GPC5: variants seen among roughly 807,000 people sequenced by gnomAD.
GPC5 encodes glypican-5.
A neutral mutation model predicts 53.9 loss-of-function variants in GPC5; 47 were observed. The ratio of observed to expected loss-of-function variants is 0.87; its 90% CI spans 0.69 to 1.11. The LOEUF is 1.11. Among genes scored for constraint, GPC5 ranks in the 50% most tolerant of loss-of-function variants. The pLI is 0.00. For synonymous variants in GPC5, 286 were observed against 263.3 expected (o/e 1.09, Z -0.84); for missense variants, 748 against 713.1 (o/e 1.05, Z -0.56).
intron 2 of GPC5, among the ~76,000 whole-genome samples, chr13:91,647,623 C>G (rs1364626734): frequency 6.6e-6 from 1 of 152,200 alleles, no homozygotes; most frequent in East Asian, 1.9e-4. Flanking sequence ...ACTTCCATGA[C>G]TACTGACTTT....
intron 7 of GPC5, among the ~76,000 whole-genome samples, chr13:92,645,781 ATTT>A (rs1297540291): frequency 1.6e-4 from 24 of 152,188 alleles, no homozygotes; most frequent in Middle Eastern, 3.4e-3. Context: ...ATGATTAATA[ATTT>A]TGATCATTTT....
chr13:92,402,746 A>G (rs1456433284), intron 7 of GPC5, among the ~76,000 whole-genome samples: 1 of 152,220 alleles, frequency 6.6e-6, no homozygotes, highest in African/African-American at 2.4e-5. Context: ...TCTAAAAGTC[A>G]GTTAGAAGCT....
intron 7 of GPC5, among the ~76,000 whole-genome samples, chr13:92,405,011 A>G (rs1419283044): frequency 6.6e-6 from 1 of 150,468 alleles, no homozygotes; most frequent in African/African-American, 2.5e-5. Flanking sequence ...CCTATGGCAT[A>G]TTTCTGGTTA....
chr13:91,614,550 T>C (rs2033644441), intron 2 of GPC5, among the ~76,000 whole-genome samples: 2 of 152,114 alleles, frequency 1.3e-5, no homozygotes, highest in South Asian at 4.2e-4. Flanking sequence ...CAGGCTGGTC[T>C]TGAGCTCCTA....
At chr13:92,113,185 AT>A (rs991069807) in intron 6 of GPC5, among the ~76,000 whole-genome samples, 9 of 152,058 alleles carry the variant, frequency 5.9e-5, no homozygotes, top group African/African-American at 9.7e-5. Context: ...AAAGAAAAGA[AT>A]TTTTTTGTCT....
intron 7 of GPC5, among the ~76,000 whole-genome samples, chr13:92,347,028 A>C (rs975133553): frequency 2.2e-4 from 33 of 152,168 alleles, no homozygotes; most frequent in African/African-American, 7.5e-4. Flanking sequence ...AATGTAACGA[A>C]ATCCTACAGG....
intron 7 of GPC5, among the ~76,000 whole-genome samples, chr13:92,294,813 CTTTTTTTTTTTTCTTTTTTT>C: frequency 9.6e-6 from 1 of 103,990 alleles, no homozygotes; most frequent in South Asian, 3.1e-4. Flanking sequence ...CTGTTTCTTT[CTTTTTTTTTTTTCTTTTTTT>C]TTTTTTTTTT....
chr13:92,532,157 A>G (rs1476274383), intron 7 of GPC5, among the ~76,000 whole-genome samples: 1 of 152,142 alleles, frequency 6.6e-6, no homozygotes. Context: ...TTAAGTCCCC[A>G]TTTAATTCCT....
intron 7 of GPC5, among the ~76,000 whole-genome samples, chr13:92,366,173 T>G (rs1488309392): frequency 6.6e-6 from 1 of 151,698 alleles, no homozygotes; most frequent in African/African-American, 2.4e-5. Context: ...ATGTGGCCAC[T>G]GTCATATAGG....
At chr13:92,008,894 G>T (rs1276726396) in intron 6 of GPC5, among the ~76,000 whole-genome samples, 1 of 151,692 alleles carries the variant, frequency 6.6e-6, no homozygotes, top group Admixed American at 6.6e-5. Flanking sequence ...AATTTGCATA[G>T]TTTCTATTGC....
chr13:92,264,878 CTGTGTGTGTGTGTGTGTGTGTGTGTG>C (rs71815584), intron 7 of GPC5, among the ~76,000 whole-genome samples: 1 of 104,718 alleles, frequency 9.5e-6, no homozygotes, highest in African/African-American at 3.5e-5. Context: ...CTCTCTCTCT[CTGTGTGTGTGTGTGTGTGTGTGTGTG>C]TGTGTGTGTG....
chr13:92,236,724 G>GA (rs1442259946), intron 7 of GPC5, among the ~76,000 whole-genome samples: 1 of 152,056 alleles, frequency 6.6e-6, no homozygotes, highest in East Asian at 1.9e-4. Flanking sequence ...ATAAAATACA[G>GA]ATGTGTATCA....
chr13:91,646,778 G>T (rs1375751851), intron 2 of GPC5, among the ~76,000 whole-genome samples: 7 of 152,018 alleles, frequency 4.6e-5, no homozygotes, highest in Admixed American at 4.6e-4. Flanking sequence ...TTTGGGAAAG[G>T]ATATAAATGT....
intron 7 of GPC5, among the ~76,000 whole-genome samples, chr13:92,161,054 T>A (rs1439482342): frequency 7.8e-6 from 1 of 128,872 alleles, no homozygotes; most frequent in Non-Finnish European, 1.7e-5. Flanking sequence ...TTTTTTTTTT[T>A]TATGAGTTGT....
intron 2 of GPC5, among the ~76,000 whole-genome samples, chr13:91,535,557 A>G (rs1886551364): frequency 6.6e-6 from 1 of 152,192 alleles, no homozygotes; most frequent in South Asian, 2.1e-4. Flanking sequence ...TGATCATTCA[A>G]AAAACCAATT....
At chr13:92,499,117 A>G (rs904886522) in intron 7 of GPC5, among the ~76,000 whole-genome samples, 1 of 152,126 alleles carries the variant, frequency 6.6e-6, no homozygotes, top group African/African-American at 2.4e-5. Context: ...AATAGTTTGG[A>G]TGTAAGAATA....
chr13:92,639,946 A>G (rs886516536), intron 7 of GPC5, among the ~76,000 whole-genome samples: 4 of 151,840 alleles, frequency 2.6e-5, no homozygotes, highest in African/African-American at 7.3e-5. Flanking sequence ...AAATTACTTT[A>G]TAAGTGATCC....
At chr13:92,571,316 G>A (rs1594313454) in intron 7 of GPC5, among the ~76,000 whole-genome samples, 1 of 152,140 alleles carries the variant, frequency 6.6e-6, no homozygotes, top group Non-Finnish European at 1.5e-5. Flanking sequence ...TCATAACAGA[G>A]CAAGTTGAGG....
At chr13:91,706,918 A>C (rs1006077356) in intron 3 of GPC5, among the ~76,000 whole-genome samples, 3 of 152,210 alleles carry the variant, frequency 2.0e-5, no homozygotes, top group African/African-American at 7.2e-5. Flanking sequence ...TGTAACAATA[A>C]ATTAAGATTA....
Sources: gnomAD v4.1 joint callset for allele counts (sites outside exome capture counted in the v4.1 genomes callset) on GRCh38, gnomAD v4.1.1 for gene constraint, MANE v1.5 for transcripts, NCBI Gene and HGNC (gene_info 2026-07-23, HGNC 2026-07-21) for gene names.